Variants in PLA2G5 observed in about 807,000 individuals in gnomAD.
PLA2G5 encodes the protein Ca2+-dependent phospholipase A2.
PLA2G5 carries 12 observed loss-of-function variants against 15.9 expected under a neutral mutation model. That is an observed-to-expected ratio of 0.76 (90% CI 0.48 to 1.23). The LOEUF (loss-of-function observed/expected upper bound fraction) is 1.23, where lower values mean the gene tolerates loss of function less well. Among genes scored for constraint, PLA2G5 ranks in the 50% most tolerant of loss-of-function variants. PLA2G5 has a pLI of 0.00. For missense variants in PLA2G5, 169 were observed against 177.1 expected (o/e 0.95, Z 0.26); for synonymous variants, 71 against 71.4 (o/e 0.99, Z 0.03).
At position 20,090,676 on chromosome 1, in the gene PLA2G5, A is replaced by G. The variant is rs2016526064; in HGVS notation, c.401A>G (p.Asn134Ser). ...SYNPQYQYFP[N>S]ILCS is the part of the protein sequence containing the mutation. Reference sequence around the variant, plus strand: ...AACCCACAGTACCAATACTTTCCCAACATCCTCTGCTCCTAGGCCTCCCCA... The same window carrying G: ...AACCCACAGTACCAATACTTTCCCAGCATCCTCTGCTCCTAGGCCTCCCCA... The change falls in exon 5 of 5, where the codon AAC (asparagine) becomes AGC (serine). Residue 134 changes from asparagine (N) to serine (S), a missense_variant. Asn to Ser is a conservative substitution (Grantham distance 46, BLOSUM62 1). Coordinates refer to ENST00000375108, the MANE Select transcript of PLA2G5 (RefSeq NM_000929.3). 1 of 1,614,034 alleles carries G rather than the reference A, an allele frequency of 6.2e-7. No individual in the cohort carries two copies. The highest frequency in any genetic ancestry group is 8.5e-7 in the Non-Finnish European group (1 of 1,179,976).
At chr1:20,067,832 G>C (rs1407226573), upstream of PLA2G5, among the ~76,000 whole-genome samples, 1 of 151,380 alleles carries the variant, frequency 6.6e-6, no homozygotes, top group African/African-American at 2.4e-5. Flanking sequence ...TAAAATCAGA[G>C]GGGAGGCCGG....
intron 1 of PLA2G5, among the ~76,000 whole-genome samples, chr1:20,043,440 T>C (rs1355946721): frequency 6.6e-6 from 1 of 151,794 alleles, no homozygotes; most frequent in South Asian, 2.1e-4. Flanking sequence ...TGGCATTGAG[T>C]GGGGTAAGGG....
In PLA2G5 at chr1:20,091,734, A is replaced by G. The variant is rs941693572; in HGVS notation, c.*1042A>G. Among the ~76,000 whole-genome samples the G allele has an allele frequency of 3.9e-5, 6 of 152,200 alleles. No homozygotes were observed. The highest frequency in any genetic ancestry group is 3.9e-4 in the Admixed American group (6 of 15,284). ...TAAAAGAAAGGATGTTCTGATACCA[A>G]GACTGAAAGAAGAAAGGATGTATTC... On this transcript the variant is annotated 3_prime_UTR_variant, in exon 5 of 5. Coordinates refer to ENST00000375108, the MANE Select transcript of PLA2G5 (RefSeq NM_000929.3).
At chr1:20,085,959 A>G in intron 2 of PLA2G5, 124 bp from the exon 3 acceptor site, 3 of 899,960 alleles carry the variant, frequency 3.3e-6, no homozygotes, top group Non-Finnish European at 5.1e-6. Flanking sequence ...TGGAGAGAAT[A>G]AAAAAGAGAC....
upstream of PLA2G5, among the ~76,000 whole-genome samples, chr1:20,068,105 C>T (rs939869848): frequency 3.3e-5 from 5 of 151,660 alleles, no homozygotes; most frequent in Middle Eastern, 3.4e-3. Flanking sequence ...GCGACAAGAG[C>T]GAGACTCCGT....
intron 2 of PLA2G5, among the ~76,000 whole-genome samples, 172 bp from the exon 3 acceptor site, chr1:20,085,911 C>A (rs190654021): frequency 6.6e-6 from 1 of 152,260 alleles, no homozygotes; most frequent in Admixed American, 6.5e-5. Flanking sequence ...AAACTCTTAA[C>A]CAGTTCTCCA....
At chr1:20,074,307 C>T (rs975749145) in intron 1 of PLA2G5, among the ~76,000 whole-genome samples, 1 of 152,184 alleles carries the variant, frequency 6.6e-6, no homozygotes. Flanking sequence ...TATCTGCACA[C>T]GACTCTGGCC....
chr1:20,090,537 C>A (rs2016517059), intron 4 of PLA2G5, 31 bp from the exon 5 acceptor site: 2 of 1,613,196 alleles, frequency 1.2e-6, no homozygotes, highest in African/African-American at 2.7e-5. Flanking sequence ...GCTCTTCCCA[C>A]CCTCATTCTG....
At chr1:20,038,717 T>G (rs2013416785) in intron 1 of PLA2G5, among the ~76,000 whole-genome samples, 1 of 152,116 alleles carries the variant, frequency 6.6e-6, no homozygotes, top group Non-Finnish European at 1.5e-5. Context: ...AGTTTGAAGT[T>G]GCAGTAGACT....
intron 1 of PLA2G5, among the ~76,000 whole-genome samples, chr1:20,077,405 C>T (rs911876470): frequency 1.3e-5 from 2 of 152,104 alleles, no homozygotes; most frequent in African/African-American, 2.4e-5. Context: ...TCATATTTGA[C>T]GTGTGGACTG....
chr1:20,070,316 A>G lies in PLA2G5; in HGVS notation c.-160A>G. 1 of 985,358 alleles carries G rather than the reference A, an allele frequency of 1.0e-6. No individual in the cohort carries two copies. Among genetic ancestry groups the G allele is most frequent in the Non-Finnish European group, 1.2e-6 (1 of 829,932 alleles). 61.0% of individuals were successfully genotyped at this position (985,358 alleles called of 1,614,324 possible). A position where few individuals can be genotyped will look rare whatever the true frequency, so the allele number is the denominator to read the frequency against. On this transcript the variant is annotated 5_prime_UTR_variant, in exon 1 of 5. Transcript: ENST00000375108. ...CAGCTTTAAGATTCTGGAGGCCAAG[A>G]ATTTGACTCCCCCCGGATCCATGGT...
chr1:20,040,726 C>G (rs955924937), intron 1 of PLA2G5, among the ~76,000 whole-genome samples: 1 of 152,064 alleles, frequency 6.6e-6, no homozygotes. Flanking sequence ...AATCACTAAG[C>G]TAAAGGGAAA....
chr1:20,069,981 G>C (rs2015265058), upstream of PLA2G5, among the ~76,000 whole-genome samples: 1 of 152,108 alleles, frequency 6.6e-6, no homozygotes, highest in African/African-American at 2.4e-5. Context: ...GGCTGTCAGA[G>C]CCTTAACAAG....
chr1:20,045,409 C>T (rs980309639), intron 1 of PLA2G5, among the ~76,000 whole-genome samples: 6 of 151,756 alleles, frequency 4.0e-5, no homozygotes, highest in Admixed American at 1.3e-4. Context: ...ATCAGGCAGG[C>T]GTCACCACAG....
chr1:20,075,195 A>G (rs2015600780), intron 1 of PLA2G5, among the ~76,000 whole-genome samples: 1 of 152,138 alleles, frequency 6.6e-6, no homozygotes, highest in Non-Finnish European at 1.5e-5. Context: ...CTTCTTATAG[A>G]ACTCAGGTTA....
At chr1:20,069,364 G>A (rs144191990), upstream of PLA2G5, among the ~76,000 whole-genome samples, 106 of 152,252 alleles carry the variant, frequency 7.0e-4, 1 homozygote, top group African/African-American at 2.3e-3. Flanking sequence ...GAGCATCAAT[G>A]TCATTTTAAA....
chr1:20,076,965 TCA>T (rs1001711852), intron 1 of PLA2G5: 5 of 152,270 alleles, frequency 3.3e-5, no homozygotes, highest in Admixed American at 3.3e-4. Context: ...GCTTAGGTTC[TCA>T]GGGTGAGGGA....
chr1:20,070,549 G>A (rs1275689716), intron 1 of PLA2G5, 84 bp downstream of exon 1: 2 of 871,496 alleles, frequency 2.3e-6, no homozygotes, highest in East Asian at 1.2e-4. Flanking sequence ...GGGGGTGTGT[G>A]GAGAGCCCAA....
At chr1:20,039,308 T>C (rs2013458336) in intron 1 of PLA2G5, among the ~76,000 whole-genome samples, 1 of 152,216 alleles carries the variant, frequency 6.6e-6, no homozygotes. Flanking sequence ...GAGGGCAGAA[T>C]CACTGATTCT....
Sources: allele counts gnomAD v4.1 joint callset (sites outside exome capture counted in the v4.1 genomes callset), GRCh38; gene constraint gnomAD v4.1.1; transcripts MANE v1.5; gene names NCBI Gene and HGNC (gene_info 2026-07-23, HGNC 2026-07-21).